ANK2: variants seen among roughly 807,000 people sequenced by gnomAD.
ANK2 encodes ankyrin-2.
Under a neutral mutation model 360.5 loss-of-function variants are expected in ANK2, and 83 were observed. That is an observed-to-expected ratio of 0.23 (90% CI 0.19 to 0.28). The LOEUF (loss-of-function observed/expected upper bound fraction) is 0.28. Among genes scored for constraint, ANK2 ranks in the 10% least tolerant of loss-of-function variants. ANK2 has a pLI of 1.00. For missense variants in ANK2, 4,201 were observed against 4,795.7 expected (o/e 0.88, Z 3.66); for synonymous variants, 1,740 against 1,759.5 (o/e 0.99, Z 0.28).
upstream of ANK2, among the ~76,000 whole-genome samples, chr4:113,045,900 A>G (rs374376117): frequency 1.1e-4 from 16 of 152,232 alleles, no homozygotes; most frequent in Non-Finnish European, 2.2e-4. Context: ...AACTCATAGT[A>G]AGTACTGAAA....
intron 1 of ANK2, among the ~76,000 whole-genome samples, chr4:113,062,553 C>T (rs1293478093): frequency 6.6e-6 from 1 of 151,882 alleles, no homozygotes; most frequent in Non-Finnish European, 1.5e-5. Flanking sequence ...TTGTACCATC[C>T]AGAAGAGCCA....
chr4:112,955,725 A>T (rs1201534464), intron 2 of ANK2, among the ~76,000 whole-genome samples: 2 of 152,206 alleles, frequency 1.3e-5, no homozygotes, highest in Admixed American at 1.3e-4. Flanking sequence ...AATGTTATGC[A>T]TATAATTACC....
At chr4:113,005,152 C>T (rs1230464998) in intron 2 of ANK2, among the ~76,000 whole-genome samples, 1 of 151,948 alleles carries the variant, frequency 6.6e-6, no homozygotes, top group East Asian at 1.9e-4. Context: ...ATAGACAGGG[C>T]TAATTTACCT....
intron 1 of ANK2, among the ~76,000 whole-genome samples, chr4:112,886,591 A>T (rs751572290): frequency 2.6e-5 from 4 of 152,044 alleles, no homozygotes; most frequent in Non-Finnish European, 5.9e-5. Context: ...GAACCTGGGA[A>T]GTGGAAGTTG....
At chr4:113,253,099 G>C (rs888233386) in intron 10 of ANK2, among the ~76,000 whole-genome samples, 5 of 152,124 alleles carry the variant, frequency 3.3e-5, no homozygotes, top group Non-Finnish European at 7.4e-5. Flanking sequence ...TCTATCCAGT[G>C]ACATGACTTG....
At chr4:113,255,107 T>G (rs1467915836) in intron 10 of ANK2, among the ~76,000 whole-genome samples, 1 of 152,214 alleles carries the variant, frequency 6.6e-6, no homozygotes, top group African/African-American at 2.4e-5. Flanking sequence ...AAGACAAATT[T>G]AGATTATCCT....
intron 26 of ANK2, among the ~76,000 whole-genome samples, chr4:113,326,636 T>G (rs1227535439): frequency 6.6e-6 from 1 of 152,224 alleles, no homozygotes; most frequent in African/African-American, 2.4e-5. Flanking sequence ...TCACTACAAC[T>G]TGGTGGGTTT....
intron 2 of ANK2, among the ~76,000 whole-genome samples, chr4:113,180,319 C>G (rs1033223615): frequency 6.6e-6 from 1 of 152,186 alleles, no homozygotes; most frequent in Admixed American, 6.5e-5. Flanking sequence ...GTGAGCATAA[C>G]AACACTGAAG....
At chr4:112,902,020 C>A (rs1442612865) in intron 1 of ANK2, among the ~76,000 whole-genome samples, 1 of 152,150 alleles carries the variant, frequency 6.6e-6, no homozygotes, top group Non-Finnish European at 1.5e-5. Flanking sequence ...AAGCACAAGA[C>A]ACTGCATCAT....
chr4:113,342,834 A>G (rs528886979), intron 33 of ANK2, among the ~76,000 whole-genome samples, 183 bp from the exon 34 acceptor site: 1 of 152,358 alleles, frequency 6.6e-6, no homozygotes, highest in African/African-American at 2.4e-5. Context: ...TCCCATTACT[A>G]GTAAGAAGAA....
rs29388 is a variant in ANK2 at position 113,278,049 on chromosome 4, T to C, written c.1782+114T>C. On this transcript the variant is annotated intron_variant, in intron 16 of 45. Coordinates refer to ENST00000357077, the MANE Select transcript of ANK2 (RefSeq NM_001148.6). ...GGAATGTGAGAGCAACTGATGAAAC[T>C]ATCCCAAATAGACATGGTGGCGATG... 0.02 allele frequency: 19,674 copies of C among 1,000,970 alleles called. 254 individuals are homozygous for C. The highest frequency in any genetic ancestry group is 0.025 in the Non-Finnish European group (16,141 of 658,100). 62.0% of individuals were successfully genotyped at this position (1,000,970 alleles called of 1,614,324 possible).
chr4:113,080,821 C>A (rs934557228), intron 1 of ANK2, among the ~76,000 whole-genome samples: 7 of 151,944 alleles, frequency 4.6e-5, no homozygotes, highest in African/African-American at 1.4e-4. Context: ...GAAAATCAAT[C>A]GGAGTTGTGA....
At chr4:112,920,311 C>G (rs1268007590) in intron 2 of ANK2, among the ~76,000 whole-genome samples, 1 of 152,148 alleles carries the variant, frequency 6.6e-6, no homozygotes, top group Non-Finnish European at 1.5e-5. Flanking sequence ...GTGCTGGCAA[C>G]AACTACTGAG....
chr4:113,021,539 A>ACACACAC (rs34948422), intron 2 of ANK2, among the ~76,000 whole-genome samples: 5,472 of 108,496 alleles, frequency 0.05, 583 homozygotes, highest in East Asian at 0.18. Context: ...CCCACACACA[A>ACACACAC]ACATATATAT....
chr4:112,840,935 A>C (rs1463545200), intron 1 of ANK2, among the ~76,000 whole-genome samples: 3 of 151,518 alleles, frequency 2.0e-5, no homozygotes, highest in African/African-American at 7.4e-5. Context: ...GTTTAAACTC[A>C]CATCTTTCCT....
chr4:113,341,875 C>A lies in ANK2; in HGVS notation c.4081C>A (p.Gln1361Lys), dbSNP rs866036502. ...TAAAGTGGATAAGACCCTTGAACAACAAGAAAATTTTGCTGAGGTGGCCAG... is the reference window on the plus strand; with the variant it reads ...TAAAGTGGATAAGACCCTTGAACAAAAAGAAAATTTTGCTGAGGTGGCCAG... ...DDKVDKTLEQ[Q>K]ENFAEVARSR... Residue 1361 changes from glutamine to lysine, a missense_variant, in exon 33 of 46, where the codon CAA (glutamine) becomes AAA (lysine). Gln to Lys is a moderately conservative substitution (Grantham distance 53, BLOSUM62 1). This residue lies in a region of ANK2 where 1,268 missense variants were observed against 1,650.8 expected (regional missense o/e 0.77). Coordinates refer to ENST00000357077, the MANE Select transcript of ANK2 (RefSeq NM_001148.6). The A allele has an allele frequency of 6.2e-7, 1 of 1,613,858 alleles. No individual in the cohort carries two copies. The highest frequency in any genetic ancestry group is 8.5e-7 in the Non-Finnish European group (1 of 1,180,004).
intron 2 of ANK2, among the ~76,000 whole-genome samples, chr4:113,004,554 G>C (rs9997195): frequency 0.56 from 84,972 of 151,638 alleles, 25,685 homozygotes; most frequent in Non-Finnish European, 0.69. Flanking sequence ...TGACAACAAC[G>C]CCTTCTTCTA....
intron 1 of ANK2, among the ~76,000 whole-genome samples, chr4:113,173,103 C>T (rs1583808005): frequency 6.6e-6 from 1 of 152,268 alleles, no homozygotes; most frequent in East Asian, 1.9e-4. Context: ...TCAGTCACAC[C>T]TTTCAACTCT....
At chr4:113,166,719 CT>C (rs566578829) in intron 1 of ANK2, among the ~76,000 whole-genome samples, 293 of 151,942 alleles carry the variant, frequency 1.9e-3, no homozygotes, top group African/African-American at 6.9e-3. Context: ...GTATTCAGAA[CT>C]TTTTAATGTA....
Sources: gnomAD v4.1 joint callset for allele counts (sites outside exome capture counted in the v4.1 genomes callset) on GRCh38, gnomAD v4.1.1 for gene constraint, gnomAD v4.1.1 regional missense constraint, MANE v1.5 for transcripts, NCBI Gene and HGNC (gene_info 2026-07-23, HGNC 2026-07-21) for gene names.